Variants in SNX24 observed in about 807,000 individuals in gnomAD.
The protein encoded by SNX24 is sorting nexin-24.
A neutral mutation model predicts 28.7 loss-of-function variants in SNX24; 22 were observed. The ratio of observed to expected loss-of-function variants is 0.77; its 90% CI spans 0.55 to 1.10. The LOEUF is 1.10. SNX24 is among the 50% of genes least tolerant of loss of function. The pLI is 0.00. For synonymous variants in SNX24, 69 were observed against 71.5 expected, an observed-to-expected ratio of 0.96 and a Z score of 0.18; for missense variants, 221 against 201.1, an observed-to-expected ratio of 1.10 and a Z score of -0.60.
chr5:122,892,575 G>A (rs914039742), intron 1 of SNX24, among the ~76,000 whole-genome samples: 6 of 151,458 alleles, frequency 4.0e-5, no homozygotes, highest in Non-Finnish European at 7.4e-5. Flanking sequence ...GAGTAGCTGG[G>A]ACTACAGGCG....
At chr5:122,988,198 G>A (rs1179003717) in intron 3 of SNX24, among the ~76,000 whole-genome samples, 1 of 152,066 alleles carries the variant, frequency 6.6e-6, no homozygotes, top group Admixed American at 6.6e-5. Flanking sequence ...TTTATCTGTT[G>A]TTTTTAGGAG....
Position 122,900,212 on chromosome 5 carries a change from C to T in SNX24, c.61-36522C>T, listed in dbSNP as rs930914004. On this transcript the variant is annotated intron_variant, in intron 1 of 6. Transcript: ENST00000261369. ...CTACTTTTTTTTTTTGAGATGAGGT[C>T]TCACTGTGTTGCCCAGGCTGTGATG... is the stretch of plus-strand genomic sequence containing the variant. Among the ~76,000 whole-genome samples the T allele has an allele frequency of 3.8e-4, 58 of 150,704 alleles. 1 individual carries two copies. Among genetic ancestry groups the T allele is most frequent in the Admixed American group, 3.2e-3 (49 of 15,130 alleles).
chr5:122,895,237 A>G lies in SNX24; in HGVS notation c.61-41497A>G, dbSNP rs564575175. Among the ~76,000 whole-genome samples, 28 of 152,286 alleles carry G rather than the reference A, an allele frequency of 1.8e-4. 1 individual carries two copies. The South Asian group carries it at 5.8e-3, about 32-fold the overall frequency. On this transcript the variant is annotated intron_variant, in intron 1 of 6. Coordinates refer to ENST00000261369, the MANE Select transcript of SNX24 (RefSeq NM_014035.4). ...TAGAAAAGTTATAAGATGGAAAAGT[A>G]TAAAGGAAAAAATAAACTTAGGGGA...
chr5:122,915,383 T>G (rs1758114062), intron 1 of SNX24, among the ~76,000 whole-genome samples: 1 of 152,106 alleles, frequency 6.6e-6, no homozygotes, highest in Non-Finnish European at 1.5e-5. Context: ...CCCAGCAACT[T>G]GGGAGGCTGA....
In SNX24 at chr5:122,987,862, G is replaced by A. The variant is rs373666703; in HGVS notation, c.250-12050G>A. Among the ~76,000 whole-genome samples, 81 of 152,244 alleles carry A rather than the reference G, an allele frequency of 5.3e-4. No individual in the cohort carries two copies. In the South Asian group the frequency reaches 0.017, roughly 32 times the overall value. On this transcript the variant is annotated intron_variant, in intron 3 of 6. Transcript: ENST00000261369. The stretch of plus-strand genomic sequence containing the variant: ...AATGAGTTTGCATACCAAGTCTATA[G>A]AACAAATACTTTCTTTGGCCTGTGT...
chr5:122,907,274 T>A (rs557046785), intron 1 of SNX24, among the ~76,000 whole-genome samples: 13 of 152,248 alleles, frequency 8.5e-5, no homozygotes, highest in African/African-American at 2.6e-4. Flanking sequence ...TGACGTAAAG[T>A]TTTCTTTAAA....
chr5:122,920,040 CCAAGGCAAGAG>C (rs1214515749), intron 1 of SNX24, among the ~76,000 whole-genome samples: 2 of 152,232 alleles, frequency 1.3e-5, no homozygotes, highest in Middle Eastern at 3.4e-3. Flanking sequence ...ATGTGTCTCT[CCAAGGCAAGAG>C]GAAACATCTA....
At chr5:122,882,688 C>T (rs1756533844) in intron 1 of SNX24, among the ~76,000 whole-genome samples, 1 of 152,134 alleles carries the variant, frequency 6.6e-6, no homozygotes, top group African/African-American at 2.4e-5. Flanking sequence ...AATTAAGGGC[C>T]AGATATAAAA....
intron 1 of SNX24, chr5:122,890,940 T>G (rs1385036350): frequency 8.1e-7 from 1 of 1,231,440 alleles, no homozygotes; most frequent in Non-Finnish European, 1.0e-6. Flanking sequence ...TTCAAGATTT[T>G]TCTGCAAGGA....
chr5:122,930,897 A>G (rs1385415772), intron 1 of SNX24, among the ~76,000 whole-genome samples: 1 of 152,176 alleles, frequency 6.6e-6, no homozygotes, highest in East Asian at 1.9e-4. Context: ...GGAAACTGCA[A>G]CTTGAAGTGA....
chr5:122,851,624 T>G (rs948940609), intron 1 of SNX24, among the ~76,000 whole-genome samples: 1 of 152,214 alleles, frequency 6.6e-6, no homozygotes, highest in Admixed American at 6.5e-5. Flanking sequence ...CTTAGAAATG[T>G]AGCATGCTCT....
chr5:122,893,897 G>A (rs1355003272), intron 1 of SNX24, among the ~76,000 whole-genome samples: 1 of 152,074 alleles, frequency 6.6e-6, no homozygotes, highest in Non-Finnish European at 1.5e-5. Context: ...ATACAAAAAA[G>A]TTAGCTGGGC....
At chr5:122,907,431 G>C (rs1311477637) in intron 1 of SNX24, among the ~76,000 whole-genome samples, 4 of 152,176 alleles carry the variant, frequency 2.6e-5, no homozygotes, top group Non-Finnish European at 4.4e-5. Flanking sequence ...ATAAAAGCCA[G>C]ACGGCCCTCA....
intron 3 of SNX24, among the ~76,000 whole-genome samples, chr5:122,949,283 GA>G (rs1759831319): frequency 6.6e-6 from 1 of 151,966 alleles, no homozygotes; most frequent in Non-Finnish European, 1.5e-5. Context: ...TCTTCAACTT[GA>G]AAATAAACAT....
In SNX24 at chr5:122,940,658, G is replaced by A. The variant is rs144265073; in HGVS notation, c.144+3841G>A. ...GCAATCTAAGCTCACTGCAACCTCCGTCTCCCAGGTTCAAACGATTCTTCT... is the reference window on the plus strand; with the variant it reads ...GCAATCTAAGCTCACTGCAACCTCCATCTCCCAGGTTCAAACGATTCTTCT... On this transcript the variant is annotated intron_variant, in intron 2 of 6. Coordinates refer to ENST00000261369, the MANE Select transcript of SNX24 (RefSeq NM_014035.4). Among the ~76,000 whole-genome samples the A allele has an allele frequency of 7.2e-3, 1,101 of 152,100 alleles. 14 individuals are homozygous for A. Among genetic ancestry groups the A allele is most frequent in the African/African-American group, 0.025 (1,021 of 41,492 alleles).
At position 122,862,018 on chromosome 5, in the gene SNX24, G is replaced by A. The variant is rs184076309; in HGVS notation, c.60+16325G>A. On this transcript the variant is annotated intron_variant, in intron 1 of 6. Coordinates refer to ENST00000261369, the MANE Select transcript of SNX24 (RefSeq NM_014035.4). The stretch of plus-strand genomic sequence containing the variant: ...TTCCCAGTGGTTGCATTGGTGTTGC[G>A]GGGCAGGGGCCGCTGACATGAAAGC... Among the ~76,000 whole-genome samples, 12 of 152,260 alleles carry A rather than the reference G, an allele frequency of 7.9e-5. No homozygotes were observed. The East Asian group carries it at 1.4e-3, about 17-fold the overall frequency.
At chr5:122,992,105 G>A (rs1322415647) in intron 3 of SNX24, among the ~76,000 whole-genome samples, 1 of 152,164 alleles carries the variant, frequency 6.6e-6, no homozygotes, top group Non-Finnish European at 1.5e-5. Context: ...ACGCTGAAAT[G>A]ATACATAATT....
At chr5:122,965,398 G>A (rs1438561491) in intron 3 of SNX24, 2 of 453,454 alleles carry the variant, frequency 4.4e-6, no homozygotes, top group Non-Finnish European at 8.9e-6. Context: ...GGACTTCTGA[G>A]AACAAATAAG....
At chr5:122,922,515 A>G (rs547386487) in intron 1 of SNX24, among the ~76,000 whole-genome samples, 1 of 151,206 alleles carries the variant, frequency 6.6e-6, no homozygotes, top group Non-Finnish European at 1.5e-5. Context: ...AGCCTCCCAA[A>G]GTGCTGGGAT....
Sources: allele counts gnomAD v4.1 joint callset (sites outside exome capture counted in the v4.1 genomes callset), GRCh38; gene constraint gnomAD v4.1.1; transcripts MANE v1.5; gene names NCBI Gene and HGNC (gene_info 2026-07-23, HGNC 2026-07-21).